TBC1D9B: variants seen among roughly 807,000 people sequenced by gnomAD.
TBC1D9B encodes TBC1 domain family member 9B.
A neutral mutation model predicts 121.1 loss-of-function variants in TBC1D9B; 87 were observed. The observed-to-expected ratio is 0.72, with a 90% confidence interval of 0.60 to 0.86. TBC1D9B has a LOEUF of 0.86. TBC1D9B is among the 40% of genes least tolerant of loss of function. The pLI is 0.00. For synonymous variants in TBC1D9B, 668 were observed against 670.1 expected (o/e 1.00, Z 0.05); for missense variants, 1,540 against 1,628.6 (o/e 0.95, Z 0.94).
Position 179,872,877 on chromosome 5 carries a change from T to G in TBC1D9B, c.2415+15A>C. The stretch of plus-strand genomic sequence containing the variant: ...CCCCAGCCCAGCCCCTGCCCAGCCC[T>G]GCTGGCACCCATACCACACTCCTCT... On this transcript the variant is annotated intron_variant, in intron 14 of 20. Transcript: ENST00000355235. The G allele has an allele frequency of 9.9e-6, 11 of 1,113,326 alleles. No individual in the cohort carries two copies. Among genetic ancestry groups the G allele is most frequent in the Non-Finnish European group, 1.4e-5 (11 of 799,976 alleles). The allele number at this position is 1,113,326 out of a possible 1,614,324, so 69.0% of individuals were successfully genotyped here. A position where few individuals can be genotyped will look rare whatever the true frequency, so the allele number is the denominator to read the frequency against.
At chr5:179,877,510 A>G (rs1760392097) in intron 10 of TBC1D9B, among the ~76,000 whole-genome samples, 1 of 151,986 alleles carries the variant, frequency 6.6e-6, no homozygotes, top group Non-Finnish European at 1.5e-5. Flanking sequence ...TAAAAATACA[A>G]AACATTAACT....
At chr5:179,872,695 G>A (rs967072104) in intron 14 of TBC1D9B, 197 bp downstream of exon 14, 5 of 591,024 alleles carry the variant, frequency 8.5e-6, no homozygotes, top group Non-Finnish European at 1.5e-5. Context: ...TCCACCAGCA[G>A]AGAAAAGTGA....
At chr5:179,906,033 C>T (rs569048638) in intron 1 of TBC1D9B, among the ~76,000 whole-genome samples, 2 of 152,350 alleles carry the variant, frequency 1.3e-5, no homozygotes, top group Non-Finnish European at 2.9e-5. Context: ...GCGCGTGCCA[C>T]CATGCCTGGA....
At chr5:179,870,702 G>A (rs558220398) in intron 15 of TBC1D9B, 4 of 759,738 alleles carry the variant, frequency 5.3e-6, no homozygotes, top group African/African-American at 1.8e-5. Context: ...GGTTGGCTGA[G>A]AGACAGAGTC....
intron 15 of TBC1D9B, 154 bp from the exon 16 acceptor site, chr5:179,870,649 G>GCT (rs1760165495): frequency 5.1e-6 from 6 of 1,177,374 alleles, no homozygotes; most frequent in Non-Finnish European, 6.9e-6. Context: ...CCTCCCGAAA[G>GCT]CTCTCAGGCT....
In TBC1D9B at chr5:179,879,110, G is replaced by A. The variant is rs1033272011; in HGVS notation, c.1504C>T (p.Arg502Trp). ...GVCMYRTAKT[R>W]ALVLKGIPES... ...GGGATACCCTTCAGGACCAGTGCCC[G>A]CGTCTTGGCTGTGCGGTACATGCAC... The change falls in exon 9 of 21, where the codon CGG (arginine) becomes TGG (tryptophan). Residue 502 changes from arginine (R) to tryptophan (W), a missense_variant. Transcript: ENST00000355235. The A allele has an allele frequency of 3.7e-6, 6 of 1,607,832 alleles. No individual in the cohort carries two copies. The highest frequency in any genetic ancestry group is 4.2e-6 in the Non-Finnish European group (5 of 1,179,930).
Position 179,891,528 on chromosome 5 carries a change from C to A in TBC1D9B, c.895G>T (p.Asp299Tyr), listed in dbSNP as rs770206639. 1 of 1,614,074 alleles carries A rather than the reference C, an allele frequency of 6.2e-7. No homozygotes were observed. Among genetic ancestry groups the A allele is most frequent in the South Asian group, 1.1e-5 (1 of 91,068 alleles). The change falls in exon 6 of 21, where the codon GAT becomes TAT. Residue 299 changes from aspartate to tyrosine, a missense_variant. Physicochemically the swap from Asp to Tyr is radical, Grantham distance 160. Coordinates refer to ENST00000355235, the MANE Select transcript of TBC1D9B (RefSeq NM_015043.4). This position sits in a 1 kb window ranked among gnomAD's most constrained non-coding sequence, Gnocchi z 4.3. ...CTTGTGTGGCCGTCTAGCCGCTCAT[C>A]CCTGGGCAGCCGGAACGTGGCTCGG... The part of the protein sequence containing the change: ...CYRATFRLPR[D>Y]ERLDGHTSCT...
At chr5:179,900,819 A>G (rs972946639) in intron 2 of TBC1D9B, among the ~76,000 whole-genome samples, 20 of 152,186 alleles carry the variant, frequency 1.3e-4, no homozygotes, top group African/African-American at 4.3e-4. Context: ...GAACAAGAGC[A>G]CTACGGCACT....
chr5:179,888,279 C>A lies in TBC1D9B; in HGVS notation c.1078G>T (p.Val360Leu). 1 of 1,609,988 alleles carries A rather than the reference C, an allele frequency of 6.2e-7. No individual in the cohort carries two copies. Among genetic ancestry groups the A allele is most frequent in the Non-Finnish European group, 8.5e-7 (1 of 1,178,984 alleles). The change falls in exon 7 of 21, where the codon GTG (valine) becomes TTG (leucine). Residue 360 changes from valine to leucine, a missense_variant. Transcript: ENST00000355235. ...TIVEKADSSSVLPSPLSISTK... is the reference protein window; with the variant it reads ...TIVEKADSSSLLPSPLSISTK... The stretch of plus-strand genomic sequence containing the variant: ...CTGATGGACAGGGGGCTGGGCAGCA[C>A]GCTGGAGCTGTCAGCTTTTTCGACA...
chr5:179,871,265 A>C (rs533697908), intron 15 of TBC1D9B, among the ~76,000 whole-genome samples, 197 bp downstream of exon 15: 1 of 152,328 alleles, frequency 6.6e-6, no homozygotes, highest in East Asian at 1.9e-4. Flanking sequence ...GGTCCTGCCT[A>C]AACTCCAAGA....
At chr5:179,876,065 G>C in intron 10 of TBC1D9B, 28 bp from the exon 11 acceptor site, 1 of 1,594,924 alleles carries the variant, frequency 6.3e-7, no homozygotes, top group Non-Finnish European at 8.6e-7. Context: ...AGCCGGGGAA[G>C]GCTTGCACTG....
In TBC1D9B at chr5:179,902,252, G is replaced by A. The variant is rs570315871; in HGVS notation, c.229+2450C>T. Among the ~76,000 whole-genome samples the A allele has an allele frequency of 5.3e-5, 8 of 152,354 alleles. No homozygotes were observed. Among genetic ancestry groups the A allele is most frequent in the South Asian group, 2.1e-4 (1 of 4,826 alleles). On this transcript the variant is annotated intron_variant, in intron 2 of 20. Coordinates refer to ENST00000355235, the MANE Select transcript of TBC1D9B (RefSeq NM_015043.4). This position sits in a 1 kb window ranked among gnomAD's most constrained non-coding sequence, Gnocchi z 4.9. ...GGGAGGGAAGGTTAGCTGGCATGGC[G>A]GACACTAGGCACAGCAGCCAGGAGG...
chr5:179,903,733 A>G (rs1230433470), intron 2 of TBC1D9B, among the ~76,000 whole-genome samples: 1 of 152,214 alleles, frequency 6.6e-6, no homozygotes, highest in Non-Finnish European at 1.5e-5. Flanking sequence ...TTCACAAGGC[A>G]CAACTCAGCC....
rs1401386508 is a variant in TBC1D9B at position 179,863,130 on chromosome 5, A to C, written c.*318T>G. On this transcript the variant is annotated 3_prime_UTR_variant, in exon 21 of 21. Transcript: ENST00000355235. The surrounding 1 kb of genome is among the most constrained non-coding windows in gnomAD (Gnocchi z 4.5). Reference sequence around the variant, plus strand: ...AGTGTGGAGCACAGAGGTATGAGGCAAGCAAGGGCAGATCTGAGAGCCTGT... The same window carrying C: ...AGTGTGGAGCACAGAGGTATGAGGCCAGCAAGGGCAGATCTGAGAGCCTGT... The C allele has an allele frequency of 5.5e-6, 2 of 364,164 alleles. No homozygotes were observed. Among genetic ancestry groups the C allele is most frequent in the Non-Finnish European group, 5.1e-6 (1 of 197,682 alleles). The allele number at this position is 364,164 out of a possible 1,614,324, so 22.6% of individuals were successfully genotyped here.
chr5:179,869,486 A>T, intron 17 of TBC1D9B: 1 of 612,756 alleles, frequency 1.6e-6, no homozygotes, highest in South Asian at 1.5e-5. Flanking sequence ...TGGCCCTCCT[A>T]GTGGGTTTTG....
chr5:179,893,545 C>T, intron 4 of TBC1D9B, 78 bp from the exon 5 acceptor site: 3 of 1,519,016 alleles, frequency 2.0e-6, no homozygotes, highest in Non-Finnish European at 2.6e-6. Context: ...GTACCCCAGA[C>T]CCATCCCAGG....
intron 10 of TBC1D9B, 89 bp downstream of exon 10, chr5:179,878,220 G>T: frequency 2.2e-6 from 3 of 1,388,026 alleles, no homozygotes; most frequent in Non-Finnish European, 2.9e-6. Context: ...ACAAGGCAGG[G>T]TCACCACACA....
rs574734327 is a variant in TBC1D9B, at chr5:179,879,142, C to T, written c.1472G>A (p.Arg491His). 1.6e-5 allele frequency: 25 copies of T among 1,606,856 alleles called. No homozygotes were observed. The highest frequency in any genetic ancestry group is 8.4e-5 in the Admixed American group (5 of 59,868). The change falls in exon 9 of 21, where the codon CGT (arginine) becomes CAT (histidine). Residue 491 changes from arginine (R) to histidine (H), a missense_variant. By Grantham distance (29) the Arg-to-His change is conservative. Coordinates refer to ENST00000355235, the MANE Select transcript of TBC1D9B (RefSeq NM_015043.4). ...SWHIHFFEYGRGVCMYRTAKT... is the reference protein window; with the variant it reads ...SWHIHFFEYGHGVCMYRTAKT... ...GGCTGTGCGGTACATGCACACGCCA[C>T]GCCCGTACTCGAAGAAGTGGATGTG...
chr5:179,883,901 C>T (rs1172575452), intron 7 of TBC1D9B, among the ~76,000 whole-genome samples: 1 of 152,144 alleles, frequency 6.6e-6, no homozygotes, highest in African/African-American at 2.4e-5. Context: ...AGGCCTTTCC[C>T]CTGCTGTGGT....
Sources: gnomAD v4.1 joint callset for allele counts (sites outside exome capture counted in the v4.1 genomes callset) on GRCh38, gnomAD v4.1.1 for gene constraint, Gnocchi (gnomAD v3.1) non-coding constraint, MANE v1.5 for transcripts, NCBI Gene and HGNC (gene_info 2026-07-23, HGNC 2026-07-21) for gene names.